The following FRYL variants were observed in gnomAD, a reference collection of about 807,000 sequenced individuals.
FRYL encodes the protein protein furry homolog-like.
FRYL carries 150 observed loss-of-function variants against 351.2 expected under a neutral mutation model. The ratio of observed to expected loss-of-function variants is 0.43; its 90% CI spans 0.37 to 0.49. FRYL has a LOEUF of 0.49. Among genes scored for constraint, FRYL ranks in the 20% least tolerant of loss-of-function variants. The probability of loss-of-function intolerance (pLI) is 0.00; values close to 1 mark genes in which losing one functional copy is unlikely to be tolerated. For synonymous variants in FRYL, 1,153 were observed against 1,257.1 expected, an observed-to-expected ratio of 0.92 and a Z score of 1.75; for missense variants, 3,036 against 3,619.3, an observed-to-expected ratio of 0.84 and a Z score of 4.13.
intron 3 of FRYL, chr4:48,636,892 A>G (rs1164409816): frequency 6.6e-6 from 1 of 152,110 alleles, no homozygotes; most frequent in Non-Finnish European, 1.5e-5. Flanking sequence ...AAGACAAATG[A>G]TTTTTATAAT....
rs397993302 is a variant in FRYL, at chr4:48,628,431, C to CGTGTGTGTGTGTGTGT, written c.121-5268_121-5253dup. On this transcript the variant is annotated intron_variant, in intron 4 of 63. Transcript: ENST00000358350. ...TTTATATATATCTCCCCTTCATTTGCGTGTGTGTGTGTGTGTGTGTGTGTG... is the reference window on the plus strand; with the variant it reads ...TTTATATATATCTCCCCTTCATTTGCGTGTGTGTGTGTGTGTGTGTGTGTGTGTGTGTGTGTGTGTG... 7.7e-3 allele frequency among the ~76,000 whole-genome samples: 1,110 copies of CGTGTGTGTGTGTGTGT among 144,730 alleles called. 13 individuals are homozygous for CGTGTGTGTGTGTGTGT. The highest frequency in any genetic ancestry group is 0.015 in the South Asian group (66 of 4,450). 94.9% of individuals were successfully genotyped at this position (144,730 alleles called of 152,430 possible). A position where few individuals can be genotyped will look rare whatever the true frequency, so the allele number is the denominator to read the frequency against.
At chr4:48,565,756 C>T (rs1736632647) in intron 28 of FRYL, 65 bp from the exon 29 acceptor site, 2 of 1,466,576 alleles carry the variant, frequency 1.4e-6, no homozygotes, top group South Asian at 1.2e-5. Flanking sequence ...TTTATACCAA[C>T]ATGTTATTGA....
At chr4:48,517,543 C>A (rs1477128884) in intron 55 of FRYL, among the ~76,000 whole-genome samples, 1 of 152,126 alleles carries the variant, frequency 6.6e-6, no homozygotes, top group Non-Finnish European at 1.5e-5. Flanking sequence ...GACACATGCA[C>A]ATATGCTTTG....
In FRYL at chr4:48,557,629, C is replaced by T. The variant is rs746729639; in HGVS notation, c.3949G>A (p.Glu1317Lys). The T allele has an allele frequency of 8.1e-6, 13 of 1,614,100 alleles. No homozygotes were observed. The highest frequency in any genetic ancestry group is 2.2e-5 in the South Asian group (2 of 91,072). Reference protein sequence around the residue: ...HYLLPWMNNIELVDLKPLPTA... With the variant: ...HYLLPWMNNIKLVDLKPLPTA... ...GGGAGAGGTTTTAAGTCCACCAGCT[C>T]GATGTTGTTCATCCATGGTAGCAGG... Residue 1317 changes from glutamate to lysine, a missense_variant, in exon 34 of 64, where the codon GAG becomes AAG. Coordinates refer to ENST00000358350, the MANE Select transcript of FRYL (RefSeq NM_015030.2).
In FRYL at chr4:48,546,266, T is replaced by C. The variant is rs1731305171; in HGVS notation, c.5080A>G (p.Ile1694Val). 4.3e-6 allele frequency: 7 copies of C among 1,612,242 alleles called. No homozygotes were observed. The highest frequency in any genetic ancestry group is 5.9e-6 in the Non-Finnish European group (7 of 1,178,562). ...AHLDYNFTAG[I>V]NDFIPDYQPS... The stretch of plus-strand genomic sequence containing the variant: ...TGGTAATCAGGTATAAAATCGTTAA[T>C]GCCTGCTGAAAGAGAAAGATCGTCA... Residue 1694 changes from isoleucine to valine, a missense_variant, in exon 42 of 64, where the codon ATT becomes GTT. Around this residue, in one of 7 missense-constraint regions of FRYL, gnomAD observed 1,987 missense variants for 2,311.7 expected, o/e 0.86. Coordinates refer to ENST00000358350, the MANE Select transcript of FRYL (RefSeq NM_015030.2).
At chr4:48,573,371 T>A (rs1442037968) in intron 25 of FRYL, 128 bp from the exon 26 acceptor site, 4 of 609,254 alleles carry the variant, frequency 6.6e-6, no homozygotes, top group Admixed American at 3.2e-5. Context: ...ACACAATGTC[T>A]ATTTTTTTAT....
intron 59 of FRYL, among the ~76,000 whole-genome samples, chr4:48,506,869 C>T (rs1290747652): frequency 6.6e-6 from 1 of 151,622 alleles, no homozygotes; most frequent in Non-Finnish European, 1.5e-5. Context: ...CAGATTTCAC[C>T]GGCCCTTAGG....
At chr4:48,720,148 C>CA (rs111735468) in intron 1 of FRYL, among the ~76,000 whole-genome samples, 1,726 of 117,132 alleles carry the variant, frequency 0.015, 30 homozygotes, top group African/African-American at 0.036. Flanking sequence ...GACTCCATCT[C>CA]AAAAAAAAAA....
rs554812916 is a variant in FRYL, at chr4:48,707,786, TC to T, written c.-204+2732del. Among the ~76,000 whole-genome samples the T allele has an allele frequency of 1.1e-4, 16 of 152,012 alleles. 1 individual carries two copies. The South Asian group carries it at 3.3e-3, about 32-fold the overall frequency. On this transcript the variant is annotated intron_variant, in intron 2 of 63. Coordinates refer to ENST00000358350, the MANE Select transcript of FRYL (RefSeq NM_015030.2). ...GCTACCTGCCAAAGAATCACACCCT[TC>T]TCCCAAATTTGTTTCAAAAAGTATC... is the stretch of plus-strand genomic sequence containing the variant.
At chr4:48,506,400 C>CA (rs1720935327) in intron 59 of FRYL, 1 of 151,086 alleles carries the variant, frequency 6.6e-6, no homozygotes, top group South Asian at 2.1e-4. Context: ...AGGAATACTT[C>CA]AAAAATAAAG....
In FRYL at chr4:48,522,902, A is replaced by G; in HGVS notation, c.7520T>C (p.Met2507Thr). ...TASQILSRTQMLNSDSATDET... is the reference protein window; with the variant it reads ...TASQILSRTQTLNSDSATDET... ...CTGTAAGAAAAGTGAATTGTATACC[A>G]TCTGTGTGCGTGAGAGTATCTGGCT... Residue 2507 changes from methionine to threonine, a missense_variant and splice_region_variant, in exon 54 of 64, where the codon ATG becomes ACG. This residue lies in a region of FRYL where 1,987 missense variants were observed against 2,311.7 expected (regional missense o/e 0.86). Coordinates refer to ENST00000358350, the MANE Select transcript of FRYL (RefSeq NM_015030.2). 2 of 1,610,308 alleles carry G rather than the reference A, an allele frequency of 1.2e-6. No homozygotes were observed. The highest frequency in any genetic ancestry group is 1.7e-6 in the Non-Finnish European group (2 of 1,176,588).
At chr4:48,520,111 C>T (rs887628149) in intron 55 of FRYL, among the ~76,000 whole-genome samples, 3 of 152,168 alleles carry the variant, frequency 2.0e-5, no homozygotes, top group African/African-American at 7.2e-5. Flanking sequence ...CCATCCATGT[C>T]CTATTCTTCT....
Position 48,498,970 on chromosome 4 carries a change from A to G in FRYL, c.*452T>C, listed in dbSNP as rs1428412824. The G allele has an allele frequency of 1.6e-5, 3 of 182,726 alleles. No individual in the cohort carries two copies. The highest frequency in any genetic ancestry group is 5.4e-5 in the Admixed American group (1 of 18,366). 11.3% of individuals were successfully genotyped at this position (182,726 alleles called of 1,614,324 possible). A position where few individuals can be genotyped will look rare whatever the true frequency, so the allele number is the denominator to read the frequency against. On this transcript the variant is annotated 3_prime_UTR_variant, in exon 64 of 64. Coordinates refer to ENST00000358350, the MANE Select transcript of FRYL (RefSeq NM_015030.2). Reference sequence around the variant, plus strand: ...CATGTGGATGGATGATTAAGCATCAATTGCAGGTTAGGTTTTCAACTGCTA... The same window carrying G: ...CATGTGGATGGATGATTAAGCATCAGTTGCAGGTTAGGTTTTCAACTGCTA...
Position 48,595,635 on chromosome 4 carries a change from GT to G in FRYL, c.1202del (p.Asp401AlafsTer8). Reference sequence around the variant, plus strand: ...TCTTCACAAATATATTGAGAGGTGTGTCACGAGGAACCACACTTCGTGAGCC... The same window carrying G: ...TCTTCACAAATATATTGAGAGGTGTGCACGAGGAACCACACTTCGTGAGCC... ...PKGSRSVVPR[D>X]TPLNIFVKII... is the part of the protein sequence containing the mutation. On this transcript the variant is annotated frameshift_variant, in exon 15 of 64. Transcript: ENST00000358350. LOFTEE classifies it high-confidence loss of function. The G allele has an allele frequency of 6.2e-7, 1 of 1,613,090 alleles. No individual in the cohort carries two copies.
At chr4:48,726,485 C>T (rs1770102213) in intron 1 of FRYL, among the ~76,000 whole-genome samples, 1 of 152,070 alleles carries the variant, frequency 6.6e-6, no homozygotes, top group South Asian at 2.1e-4. Context: ...AATTTGAGAC[C>T]AGCCTGGCCA....
At chr4:48,643,533 A>C (rs1000791277) in intron 3 of FRYL, among the ~76,000 whole-genome samples, 2 of 152,242 alleles carry the variant, frequency 1.3e-5, no homozygotes, top group Non-Finnish European at 2.9e-5. Context: ...TCAGCAGCAA[A>C]TAATATAGGC....
At chr4:48,770,209 G>A (rs1165796386) in intron 1 of FRYL, among the ~76,000 whole-genome samples, 1 of 151,978 alleles carries the variant, frequency 6.6e-6, no homozygotes, top group Non-Finnish European at 1.5e-5. Flanking sequence ...CTGAATGAAG[G>A]TGACACAGGA....
chr4:48,651,265 T>C (rs533055437), intron 3 of FRYL, among the ~76,000 whole-genome samples: 26 of 120,888 alleles, frequency 2.2e-4, no homozygotes, highest in African/African-American at 8.3e-4. Flanking sequence ...TGTGTAGTGG[T>C]AGAAACAGGA....
rs185707612 is a variant in FRYL at position 48,563,042 on chromosome 4, C to T, written c.3597-54G>A. 1.9e-4 allele frequency: 209 copies of T among 1,099,018 alleles called. 4 individuals are homozygous for T. The Admixed American group carries it at 3.9e-3, about 20-fold the overall frequency. The allele number at this position is 1,099,018 out of a possible 1,614,324, so 68.1% of individuals were successfully genotyped here. On this transcript the variant is annotated intron_variant, in intron 31 of 63. Transcript: ENST00000358350. Reference sequence around the variant, plus strand: ...ATAACAATGTTTAGAGGCTTTTGCACCATTTAATAAATATGATATGCAAAG... The same window carrying T: ...ATAACAATGTTTAGAGGCTTTTGCATCATTTAATAAATATGATATGCAAAG...
Sources: allele counts gnomAD v4.1 joint callset (sites outside exome capture counted in the v4.1 genomes callset), GRCh38; gene constraint gnomAD v4.1.1; regional missense constraint gnomAD v4.1.1; transcripts MANE v1.5; gene names NCBI Gene and HGNC (gene_info 2026-07-23, HGNC 2026-07-21).